SPECC1: variants seen among roughly 807,000 people sequenced by gnomAD.
The protein encoded by SPECC1 is sperm antigen with calponin homology and coiled-coil domains 1.
Under a neutral mutation model 104.1 loss-of-function variants are expected in SPECC1, and 62 were observed. That is an observed-to-expected ratio of 0.60 (90% CI 0.49 to 0.74). The LOEUF (loss-of-function observed/expected upper bound fraction) is 0.74. Ranked by LOEUF, SPECC1 falls within the 30% of genes least tolerant of loss-of-function variation. The probability of loss-of-function intolerance (pLI) is 0.00; values close to 1 mark genes in which losing one functional copy is unlikely to be tolerated. For synonymous variants in SPECC1, 513 were observed against 501.6 expected, an observed-to-expected ratio of 1.02 and a Z score of -0.30; for missense variants, 1,306 against 1,310.5, an observed-to-expected ratio of 1.00 and a Z score of 0.05.
At chr17:20,152,613 A>G (rs1007382281) in intron 3 of SPECC1, among the ~76,000 whole-genome samples, 9 of 152,246 alleles carry the variant, frequency 5.9e-5, no homozygotes, top group African/African-American at 1.9e-4. Flanking sequence ...GTGACCTCAC[A>G]TAACAGAAAG....
chr17:20,207,252 GC>G (rs1438754047), intron 4 of SPECC1, among the ~76,000 whole-genome samples: 2 of 152,206 alleles, frequency 1.3e-5, no homozygotes, highest in Non-Finnish European at 2.9e-5. Flanking sequence ...GTCTGTTGCA[GC>G]CTGATTCTGC....
chr17:20,048,562 T>C (rs2045627192), intron 1 of SPECC1, among the ~76,000 whole-genome samples: 1 of 152,188 alleles, frequency 6.6e-6, no homozygotes. Flanking sequence ...TTGAATTTCC[T>C]TCTCTGTTTT....
chr17:20,022,962 C>G (rs185721192), intron 1 of SPECC1, among the ~76,000 whole-genome samples: 17 of 152,306 alleles, frequency 1.1e-4, no homozygotes, highest in Admixed American at 9.2e-4. Context: ...ATTCTTTCAG[C>G]AGTAATGATT....
chr17:20,089,498 C>T (rs1012772648), intron 1 of SPECC1, among the ~76,000 whole-genome samples: 1 of 151,512 alleles, frequency 6.6e-6, no homozygotes, highest in South Asian at 2.1e-4. Context: ...CGTGGTGACA[C>T]ATCTGTTGTC....
intron 4 of SPECC1, among the ~76,000 whole-genome samples, chr17:20,209,254 G>A (rs1212698500): frequency 6.6e-6 from 1 of 152,152 alleles, no homozygotes; most frequent in Non-Finnish European, 1.5e-5. Flanking sequence ...AAGCAACAAC[G>A]TGTACCCCAT....
At chr17:20,242,073 C>T (rs1386275768) in intron 7 of SPECC1, among the ~76,000 whole-genome samples, 2 of 152,216 alleles carry the variant, frequency 1.3e-5, no homozygotes, top group Non-Finnish European at 2.9e-5. Context: ...AAATATTAAT[C>T]TGCCAATTGT....
intron 3 of SPECC1, among the ~76,000 whole-genome samples, chr17:20,146,505 A>G (rs929321613): frequency 1.3e-5 from 2 of 152,244 alleles, no homozygotes; most frequent in African/African-American, 4.8e-5. Context: ...TAAAACTGCT[A>G]TAAACATTCA....
At chr17:20,112,467 C>T (rs923752215) in intron 3 of SPECC1, 28 of 765,798 alleles carry the variant, frequency 3.7e-5, no homozygotes, top group Non-Finnish European at 6.6e-5. Context: ...TCAATCAAGT[C>T]AGAACTGCGA....
intron 1 of SPECC1, among the ~76,000 whole-genome samples, chr17:20,044,971 A>G (rs780996831): frequency 2.0e-5 from 3 of 152,188 alleles, no homozygotes; most frequent in African/African-American, 4.8e-5. Context: ...CTTTTATTCC[A>G]TCACCATTTG....
chr17:20,010,597 A>G (rs771164744), intron 1 of SPECC1, among the ~76,000 whole-genome samples: 1 of 152,206 alleles, frequency 6.6e-6, no homozygotes, highest in Non-Finnish European at 1.5e-5. Context: ...GAGCCTCCAT[A>G]CTAAAGCCTG....
In SPECC1 at chr17:20,247,268, A is replaced by C. The variant is rs769054352; in HGVS notation, c.2547A>C (p.Leu849=). ...ISVHKTPRSP[L]SGIPVRTAPA... ...TCCATAAGACCCCCAGAAGTCCCCT[A>C]AGTGGGATACCAGTGAGGACTGCTC... Residue 849 remains leucine (L), a synonymous_variant, in exon 9 of 15, where the codon CTA becomes CTC. Coordinates refer to ENST00000395527, the MANE Select transcript of SPECC1 (RefSeq NM_001243439.2). 1 of 1,613,844 alleles carries C rather than the reference A, an allele frequency of 6.2e-7. No homozygotes were observed. The highest frequency in any genetic ancestry group is 1.1e-5 in the South Asian group (1 of 90,948).
intron 3 of SPECC1, among the ~76,000 whole-genome samples, chr17:20,186,561 G>T (rs535501239): frequency 6.6e-6 from 1 of 152,162 alleles, no homozygotes. Flanking sequence ...CGTGATTTTT[G>T]TATGTATGTA....
chr17:20,084,438 T>C (rs1366843216), intron 1 of SPECC1, among the ~76,000 whole-genome samples: 1 of 152,120 alleles, frequency 6.6e-6, no homozygotes, highest in Non-Finnish European at 1.5e-5. Flanking sequence ...TCCGTCTCAA[T>C]AAATAAAAAA....
chr17:20,311,468 G>A (rs541022401), intron 14 of SPECC1, among the ~76,000 whole-genome samples: 1 of 151,894 alleles, frequency 6.6e-6, no homozygotes, highest in South Asian at 2.1e-4. Flanking sequence ...TCGGCTCACT[G>A]CAACCTCTGC....
rs1330359584 is a variant in SPECC1 at position 20,009,367 on chromosome 17, G to T, written c.-79G>T. On this transcript the variant is annotated 5_prime_UTR_variant, in exon 1 of 15. Coordinates refer to ENST00000395527, the MANE Select transcript of SPECC1 (RefSeq NM_001243439.2). The surrounding 1 kb of genome is among the most constrained non-coding windows in gnomAD (Gnocchi z 5.2). Reference sequence around the variant, plus strand: ...GCGCGGGTCCCTCTCCTGAGCATCAGTGAGCGCCCGGAGCCGTGGCCGCTG... The same window carrying T: ...GCGCGGGTCCCTCTCCTGAGCATCATTGAGCGCCCGGAGCCGTGGCCGCTG... The T allele has an allele frequency of 6.6e-6, 1 of 151,620 alleles. No homozygotes were observed. Among genetic ancestry groups the T allele is most frequent in the Non-Finnish European group, 1.5e-5 (1 of 68,044 alleles). 9.4% of individuals were successfully genotyped at this position (151,620 alleles called of 1,614,324 possible).
rs537653084 is a variant in SPECC1 at position 20,038,702 on chromosome 17, A to G, written c.-22+29278A>G. On this transcript the variant is annotated intron_variant, in intron 1 of 14. Coordinates refer to ENST00000395527, the MANE Select transcript of SPECC1 (RefSeq NM_001243439.2). ...GGCGTGAGCCACCGCACCCAGCCAT[A>G]TTCATTTTTAGTCAGTTTATTTCCC... Among the ~76,000 whole-genome samples, 19 of 152,324 alleles carry G rather than the reference A, an allele frequency of 1.2e-4. 1 individual carries two copies. In the South Asian group the frequency reaches 3.7e-3, roughly 30 times the overall value.
At chr17:20,177,079 A>G (rs1446913050) in intron 3 of SPECC1, among the ~76,000 whole-genome samples, 1 of 152,200 alleles carries the variant, frequency 6.6e-6, no homozygotes, top group Non-Finnish European at 1.5e-5. Flanking sequence ...TAGAAGAGAG[A>G]TGTTTGAGCT....
Position 20,143,647 on chromosome 17 carries a change from AAC to A in SPECC1, c.283+33087_283+33088del, listed in dbSNP as rs564723461. On this transcript the variant is annotated intron_variant, in intron 3 of 14. Coordinates refer to ENST00000395527, the MANE Select transcript of SPECC1 (RefSeq NM_001243439.2). ...TGAGCCACTGCACTCCAGCCTGTGC[AAC>A]AGAGGTAAGACTCTGTCTCAAAAAA... Among the ~76,000 whole-genome samples the A allele has an allele frequency of 5.9e-5, 9 of 152,240 alleles. No homozygotes were observed. In the East Asian group the frequency reaches 1.7e-3, roughly 29 times the overall value.
intron 3 of SPECC1, among the ~76,000 whole-genome samples, chr17:20,190,203 C>G (rs1227338882): frequency 6.6e-6 from 1 of 152,198 alleles, no homozygotes; most frequent in Admixed American, 6.5e-5. Context: ...CCTCAAACTT[C>G]TGTTATCTCA....
Sources: allele counts gnomAD v4.1 joint callset (sites outside exome capture counted in the v4.1 genomes callset), GRCh38; gene constraint gnomAD v4.1.1; non-coding constraint Gnocchi (gnomAD v3.1); transcripts MANE v1.5; gene names NCBI Gene and HGNC (gene_info 2026-07-23, HGNC 2026-07-21).